FANCI: variants seen among roughly 807,000 people sequenced by gnomAD.
The protein encoded by FANCI is FA complementation group I.
Under a neutral mutation model 176.1 loss-of-function variants are expected in FANCI, and 156 were observed. That is an observed-to-expected ratio of 0.89 (90% CI 0.78 to 1.01). The LOEUF is 1.01. Ranked by LOEUF, FANCI falls within the 50% of genes least tolerant of loss-of-function variation. The pLI is 0.00. For synonymous variants in FANCI, 613 were observed against 541.7 expected (o/e 1.13, Z -1.83); for missense variants, 1,678 against 1,534.1 (o/e 1.09, Z -1.57).
At chr15:89,284,393 A>G (rs1475183644) in intron 17 of FANCI, among the ~76,000 whole-genome samples, 1 of 152,236 alleles carries the variant, frequency 6.6e-6, no homozygotes, top group Non-Finnish European at 1.5e-5. Flanking sequence ...TGGTATAACT[A>G]CATAAAGCTT....
In FANCI at chr15:89,281,057, T is replaced by G. The variant is rs1381648878; in HGVS notation, c.1382-113T>G. ...GTAGAAATTTGTATTGCAGTATACT[T>G]GACTTATTTGAGAAAGGAAACAAAA... On this transcript the variant is annotated intron_variant, in intron 14 of 37. Transcript: ENST00000310775. The G allele has an allele frequency of 3.7e-6, 4 of 1,079,416 alleles. No individual in the cohort carries two copies. The African/African-American group carries it at 6.2e-5, about 17-fold the overall frequency. The allele number at this position is 1,079,416 out of a possible 1,614,324, so 66.9% of individuals were successfully genotyped here.
intron 2 of FANCI, among the ~76,000 whole-genome samples, chr15:89,257,521 T>C (rs984976874): frequency 4.6e-5 from 7 of 152,200 alleles, no homozygotes; most frequent in Non-Finnish European, 8.8e-5. Flanking sequence ...TTCCTTGGCT[T>C]GTATCACCTG....
rs775051288 is a variant in FANCI, at chr15:89,316,457, TAAATG to T, written c.*4_*8del. 1.2e-5 allele frequency: 20 copies of T among 1,609,074 alleles called. No individual in the cohort carries two copies. The African/African-American group carries it at 1.9e-4, about 15-fold the overall frequency. ...ACCAGCCAAGAAGAAAAGGAAAAAA[TAAATG>T]AAATGCCTGAGTTAATGTGAACTTT... On this transcript the variant is annotated stop_retained_variant and 3_prime_UTR_variant, in exon 38 of 38. Coordinates refer to ENST00000310775, the MANE Select transcript of FANCI (RefSeq NM_001113378.2).
chr15:89,306,949 A>G (rs757478434), intron 32 of FANCI, among the ~76,000 whole-genome samples: 1 of 152,214 alleles, frequency 6.6e-6, no homozygotes, highest in Non-Finnish European at 1.5e-5. Context: ...TTATAGATCA[A>G]ATACTAAGGT....
Position 89,291,629 on chromosome 15 carries a change from A to G in FANCI, c.1907A>G (p.Glu636Gly). The G allele has an allele frequency of 6.2e-7, 1 of 1,613,726 alleles. No homozygotes were observed. Among genetic ancestry groups the G allele is most frequent in the Non-Finnish European group, 8.5e-7 (1 of 1,179,776 alleles). ...TLLSQLKQFY[E>G]PKPDLLPPLK... ...TATACACAGTTAAAACAGTTCTATG[A>G]GCCAAAACCTGATCTGCTGCCTCCT... is the stretch of plus-strand genomic sequence containing the variant. Residue 636 changes from glutamate to glycine, a missense_variant, in exon 20 of 38, where the codon GAG becomes GGG. Glu to Gly is a moderately conservative substitution (Grantham distance 98). Transcript: ENST00000310775.
chr15:89,297,062 C>T (rs1057484296), intron 24 of FANCI, among the ~76,000 whole-genome samples: 19 of 149,964 alleles, frequency 1.3e-4, no homozygotes, highest in Admixed American at 2.6e-4. Flanking sequence ...CGGGTGGAGA[C>T]GCTCCTCACT....
intron 10 of FANCI, among the ~76,000 whole-genome samples, chr15:89,269,403 G>GA (rs1555444343): frequency 2.7e-5 from 4 of 148,448 alleles, no homozygotes; most frequent in Admixed American, 2.0e-4. Flanking sequence ...TTGCAGCTGT[G>GA]TTTTTTTTTT....
intron 2 of FANCI, among the ~76,000 whole-genome samples, chr15:89,251,484 TAAAC>T (rs2052246787): frequency 6.6e-6 from 1 of 152,186 alleles, no homozygotes; most frequent in South Asian, 2.1e-4. Context: ...AACATTGAAT[TAAAC>T]AAATATAACA....
chr15:89,306,297 G>A, intron 32 of FANCI, 103 bp downstream of exon 32: 1 of 1,177,914 alleles, frequency 8.5e-7, no homozygotes. Flanking sequence ...CCCTAAACAA[G>A]AGAGCATTTG....
chr15:89,244,276 C>G (rs3743381), intron 1 of FANCI: 15,203 of 152,270 alleles, frequency 0.1, 970 homozygotes, highest in South Asian at 0.19. Context: ...CCCCCTTGGC[C>G]GAGGGTGAGC....
chr15:89,304,964 C>G, intron 28 of FANCI, 151 bp from the exon 29 acceptor site: 1 of 770,798 alleles, frequency 1.3e-6, no homozygotes, highest in Non-Finnish European at 2.2e-6. Context: ...TTAGTAGAGA[C>G]GGGGTTTCTC....
intron 13 of FANCI, among the ~76,000 whole-genome samples, chr15:89,277,418 C>T (rs889657403): frequency 6.6e-6 from 1 of 151,938 alleles, no homozygotes; most frequent in African/African-American, 2.4e-5. Context: ...GAGTTTGAGA[C>T]CAGCCTGGGC....
chr15:89,272,813 G>T (rs2053250016), intron 10 of FANCI, among the ~76,000 whole-genome samples: 1 of 152,010 alleles, frequency 6.6e-6, no homozygotes, highest in South Asian at 2.1e-4. Flanking sequence ...GGGATTACAG[G>T]TGTGTGCCAC....
intron 27 of FANCI, among the ~76,000 whole-genome samples, chr15:89,303,151 G>T (rs2151886641): frequency 6.6e-6 from 1 of 152,324 alleles, no homozygotes; most frequent in South Asian, 2.1e-4. Flanking sequence ...GTATTCTGAA[G>T]ATCTTTTAAT....
chr15:89,299,169 C>CAAAA (rs34417823), intron 24 of FANCI, among the ~76,000 whole-genome samples: 1 of 110,184 alleles, frequency 9.1e-6, no homozygotes. Context: ...GACTCTGTCT[C>CAAAA]AAAAAAAAAA....
intron 10 of FANCI, among the ~76,000 whole-genome samples, chr15:89,272,505 A>AT (rs2053237691): frequency 6.6e-6 from 1 of 151,888 alleles, no homozygotes; most frequent in African/African-American, 2.4e-5. Context: ...CAGTTTATCA[A>AT]TTTTTTCTTG....
At chr15:89,263,523 TAAAC>T in intron 7 of FANCI, 63 bp downstream of exon 7, 7 of 1,347,934 alleles carry the variant, frequency 5.2e-6, no homozygotes, top group Non-Finnish European at 7.5e-6. Flanking sequence ...TGCTAGAAAT[TAAAC>T]TATAGCAAAC....
chr15:89,282,844 A>C (rs1022427061), intron 16 of FANCI: 1 of 396,172 alleles, frequency 2.5e-6, no homozygotes, highest in African/African-American at 2.0e-5. Context: ...TAACCAGCCA[A>C]TTTTACAGTC....
At chr15:89,287,380 A>G (rs1431865258) in intron 18 of FANCI, among the ~76,000 whole-genome samples, 1 of 152,188 alleles carries the variant, frequency 6.6e-6, no homozygotes, top group South Asian at 2.1e-4. Flanking sequence ...TTCAGGCTTT[A>G]TAGAATTGAA....
Sources: allele counts gnomAD v4.1 joint callset (sites outside exome capture counted in the v4.1 genomes callset), GRCh38; gene constraint gnomAD v4.1.1; transcripts MANE v1.5; gene names NCBI Gene and HGNC (gene_info 2026-07-23, HGNC 2026-07-21).